Variants in EFR3A observed in about 807,000 individuals in gnomAD.
EFR3A encodes protein EFR3 homolog A.
EFR3A carries 76 observed loss-of-function variants against 104.4 expected under a neutral mutation model. The ratio of observed to expected loss-of-function variants is 0.73; its 90% CI spans 0.60 to 0.88. The LOEUF is 0.88. Among genes scored for constraint, EFR3A ranks in the 40% least tolerant of loss-of-function variants. EFR3A has a pLI of 0.00. For missense variants in EFR3A, 985 were observed against 1,012.5 expected, an observed-to-expected ratio of 0.97 and a Z score of 0.37; for synonymous variants, 330 against 330.0, an observed-to-expected ratio of 1.00 and a Z score of 0.00.
intron 19 of EFR3A, among the ~76,000 whole-genome samples, chr8:132,001,430 G>A (rs1821775329): frequency 6.6e-6 from 1 of 152,150 alleles, no homozygotes; most frequent in Non-Finnish European, 1.5e-5. Context: ...TGTTCAGTCA[G>A]TGGGACTCAA....
intron 1 of EFR3A, among the ~76,000 whole-genome samples, chr8:131,939,243 T>G (rs1818049764): frequency 6.6e-6 from 1 of 152,116 alleles, no homozygotes; most frequent in African/African-American, 2.4e-5. Context: ...GGGAAACTTG[T>G]GTGTAGTAAG....
At chr8:131,952,220 C>CT (rs1818741608) in intron 5 of EFR3A, among the ~76,000 whole-genome samples, 1 of 152,154 alleles carries the variant, frequency 6.6e-6, no homozygotes, top group Admixed American at 6.6e-5. Flanking sequence ...TGAGTGCTTT[C>CT]TGTGTGCCAG....
At chr8:132,001,582 C>T (rs1354220732) in intron 19 of EFR3A, among the ~76,000 whole-genome samples, 177 bp from the exon 20 acceptor site, 1 of 152,016 alleles carries the variant, frequency 6.6e-6, no homozygotes, top group East Asian at 1.9e-4. Context: ...ATTGTTAGAA[C>T]CAATGAAAAA....
intron 1 of EFR3A, among the ~76,000 whole-genome samples, chr8:131,930,797 G>A (rs1309476106): frequency 6.6e-6 from 1 of 151,978 alleles, no homozygotes; most frequent in African/African-American, 2.4e-5. Context: ...TTTTCTGAAT[G>A]TCATAGCATT....
intron 18 of EFR3A, among the ~76,000 whole-genome samples, chr8:131,995,173 T>C (rs1821410427): frequency 6.6e-6 from 1 of 152,158 alleles, no homozygotes; most frequent in Admixed American, 6.5e-5. Flanking sequence ...CCAGAGCTTC[T>C]TGAGAATTAC....
intron 1 of EFR3A, chr8:131,935,455 T>C (rs1211204306): frequency 2.3e-6 from 1 of 427,826 alleles, no homozygotes; most frequent in African/African-American, 2.0e-5. Context: ...AAATATATAA[T>C]GAGGGCATGA....
chr8:132,007,606 G>A (rs548020292), intron 22 of EFR3A, among the ~76,000 whole-genome samples: 24 of 151,936 alleles, frequency 1.6e-4, no homozygotes, highest in Non-Finnish European at 3.1e-4. Flanking sequence ...TTGTAAAAAC[G>A]TATAAATTGA....
In EFR3A at chr8:132,011,433, T is replaced by A. The variant is rs1286835064; in HGVS notation, c.*538T>A. The A allele has an allele frequency of 1.0e-6, 1 of 984,598 alleles. No homozygotes were observed. Among genetic ancestry groups the A allele is most frequent in the South Asian group, 4.7e-5 (1 of 21,284 alleles). The allele number at this position is 984,598 out of a possible 1,614,324, so 61.0% of individuals were successfully genotyped here. A position where few individuals can be genotyped will look rare whatever the true frequency, so the allele number is the denominator to read the frequency against. On this transcript the variant is annotated 3_prime_UTR_variant, in exon 23 of 23. Transcript: ENST00000254624. ...TTGCTATTCAGTTACTATAATAATATGTGATAGGCATTCCTCATCTTCTTC... is the reference window on the plus strand; with the variant it reads ...TTGCTATTCAGTTACTATAATAATAAGTGATAGGCATTCCTCATCTTCTTC...
chr8:131,949,397 G>C (rs564088354), intron 4 of EFR3A, among the ~76,000 whole-genome samples: 2 of 152,260 alleles, frequency 1.3e-5, no homozygotes, highest in South Asian at 4.1e-4. Context: ...TTAATTCGAA[G>C]CTTGTGTTCT....
intron 22 of EFR3A, among the ~76,000 whole-genome samples, chr8:132,005,577 G>T (rs1426303585): frequency 6.6e-6 from 1 of 151,792 alleles, no homozygotes; most frequent in South Asian, 2.1e-4. Context: ...ACACGTCAAA[G>T]AATTTAAAGG....
chr8:131,965,366 T>C (rs950910818), intron 8 of EFR3A, among the ~76,000 whole-genome samples: 1 of 151,956 alleles, frequency 6.6e-6, no homozygotes, highest in Non-Finnish European at 1.5e-5. Context: ...AAAACAAGTT[T>C]GCAAGAAAAA....
intron 1 of EFR3A, among the ~76,000 whole-genome samples, chr8:131,913,331 GA>G (rs1337384207): frequency 6.6e-6 from 1 of 151,752 alleles, no homozygotes; most frequent in Non-Finnish European, 1.5e-5. Context: ...AAGCAAACAG[GA>G]ACTACTATTT....
chr8:131,947,410 G>A (rs1224466788), intron 4 of EFR3A, among the ~76,000 whole-genome samples: 2 of 151,924 alleles, frequency 1.3e-5, no homozygotes, highest in South Asian at 2.1e-4. Context: ...CTTGATAAGA[G>A]TACTTTATCA....
At chr8:131,948,981 G>T (rs1818570374) in intron 4 of EFR3A, among the ~76,000 whole-genome samples, 1 of 151,848 alleles carries the variant, frequency 6.6e-6, no homozygotes, top group African/African-American at 2.4e-5. Flanking sequence ...GTTCTCCTTT[G>T]TTTCAGAAAT....
intron 22 of EFR3A, among the ~76,000 whole-genome samples, chr8:132,004,257 C>T (rs1821926465): frequency 6.6e-6 from 1 of 152,224 alleles, no homozygotes; most frequent in South Asian, 2.1e-4. Flanking sequence ...GGGTCCCCAA[C>T]CCTCAGTCCA....
chr8:132,009,721 T>C (rs1822235821), intron 22 of EFR3A, among the ~76,000 whole-genome samples: 1 of 152,076 alleles, frequency 6.6e-6, no homozygotes. Flanking sequence ...GCTTCACTCA[T>C]TGTTTAGAAA....
chr8:131,959,393 C>T (rs1348520210), intron 7 of EFR3A, among the ~76,000 whole-genome samples, 192 bp from the exon 8 acceptor site: 2 of 152,116 alleles, frequency 1.3e-5, no homozygotes, highest in Non-Finnish European at 2.9e-5. Context: ...ACTTCTGGTC[C>T]ACAGCATTGC....
chr8:131,936,006 T>C (rs1192350585), intron 1 of EFR3A, among the ~76,000 whole-genome samples: 1 of 152,050 alleles, frequency 6.6e-6, no homozygotes. Flanking sequence ...CCTAGTACCT[T>C]TGAGTGCCTG....
In EFR3A at chr8:132,002,683, A is replaced by G. The variant is rs1450259098; in HGVS notation, c.2287A>G (p.Ile763Val). 2 of 1,613,746 alleles carry G rather than the reference A, an allele frequency of 1.2e-6. No homozygotes were observed. Among genetic ancestry groups the G allele is most frequent in the South Asian group, 1.1e-5 (1 of 91,058 alleles). ...ATTTCAGAAAGCACCTTTTGAAGAA[A>G]TAGCAGCACAGTGTGAATCCAAAGT... Reference protein sequence around the residue: ...EKFQKAPFEEIAAQCESKANL... With the variant: ...EKFQKAPFEEVAAQCESKANL... The change falls in exon 21 of 23, where the codon ATA becomes GTA. Residue 763 changes from isoleucine (I) to valine (V), a missense_variant. Coordinates refer to ENST00000254624, the MANE Select transcript of EFR3A (RefSeq NM_015137.6).
Sources: gnomAD v4.1 joint callset for allele counts (sites outside exome capture counted in the v4.1 genomes callset) on GRCh38, gnomAD v4.1.1 for gene constraint, MANE v1.5 for transcripts, NCBI Gene and HGNC (gene_info 2026-07-23, HGNC 2026-07-21) for gene names.